BLTP1: variants seen among roughly 807,000 people sequenced by gnomAD.
The protein encoded by BLTP1 is fragile site-associated protein.
the BLTP1 span, chr4:122,194,854 G>A: frequency 6.4e-5 from 12 of 187,208 alleles, no homozygotes; most frequent in Non-Finnish European, 1.1e-4. Context: ...ACTGCCAGGA[G>A]AGAAGAGCAA....
chr4:122,185,368 G>A, the BLTP1 span: 2 of 985,112 alleles, frequency 2.0e-6, no homozygotes, highest in Non-Finnish European at 2.4e-6. Flanking sequence ...ACAAAAGAAA[G>A]CATTGATTGT....
the BLTP1 span, chr4:122,271,788 A>T: frequency 4.0e-4 from 422 of 1,061,216 alleles, 2 homozygotes; most frequent in Non-Finnish European, 3.9e-4. Flanking sequence ...AAAGAAGCAG[A>T]AGACTGTTCA....
chr4:122,301,856 G>GT, the BLTP1 span, among the ~76,000 whole-genome samples: 1 of 152,152 alleles, frequency 6.6e-6, no homozygotes, highest in Non-Finnish European at 1.5e-5. Context: ...GAGCCCAGGA[G>GT]TTTGAGACTA....
chr4:122,261,566 CTTTTTGGCAT>C, the BLTP1 span: 2 of 983,988 alleles, frequency 2.0e-6, no homozygotes, highest in Non-Finnish European at 2.4e-6. Context: ...TGTGGAAAGT[CTTTTTGGCAT>C]TTCAGAGCTC....
At chr4:122,187,829 A>C in the BLTP1 span, 1 of 1,484,000 alleles carries the variant, frequency 6.7e-7, no homozygotes, top group South Asian at 1.3e-5. Flanking sequence ...AGTTTAGCTA[A>C]AGAAAGAAAT....
chr4:122,248,060 G>A, the BLTP1 span: 6 of 985,186 alleles, frequency 6.1e-6, no homozygotes, highest in Non-Finnish European at 7.2e-6. Flanking sequence ...TATAGGTTCT[G>A]AAGTTTCCAT....
chr4:122,351,829 T>A, the BLTP1 span, among the ~76,000 whole-genome samples: 1 of 152,166 alleles, frequency 6.6e-6, no homozygotes, highest in African/African-American at 2.4e-5. Flanking sequence ...ACATAAAGGC[T>A]TAGGGAATTG....
chr4:122,200,490 G>A, the BLTP1 span: 1 of 750,756 alleles, frequency 1.3e-6, no homozygotes, highest in Non-Finnish European at 1.6e-6. Context: ...TGAGGCACAA[G>A]AATTGCTTGA....
chr4:122,309,946 G>A, the BLTP1 span, among the ~76,000 whole-genome samples: 1 of 151,940 alleles, frequency 6.6e-6, no homozygotes, highest in Non-Finnish European at 1.5e-5. Context: ...AATATTCAAG[G>A]TTGGGTATAA....
the BLTP1 span, chr4:122,347,487 T>C: frequency 2.5e-6 from 4 of 1,586,454 alleles, no homozygotes; most frequent in South Asian, 1.1e-5. Context: ...CCTGTTACTT[T>C]GGATTTTTTG....
At chr4:122,240,853 A>C in the BLTP1 span, among the ~76,000 whole-genome samples, 1 of 152,210 alleles carries the variant, frequency 6.6e-6, no homozygotes. Flanking sequence ...AATACCTCAA[A>C]ATAAATTTAG....
the BLTP1 span, among the ~76,000 whole-genome samples, chr4:122,293,425 A>G: frequency 6.6e-6 from 1 of 152,168 alleles, no homozygotes; most frequent in South Asian, 2.1e-4. Context: ...GCAAAAAGCC[A>G]GGGAGCCCCC....
the BLTP1 span, among the ~76,000 whole-genome samples, chr4:122,160,003 A>G: frequency 2.2e-4 from 34 of 152,322 alleles, no homozygotes; most frequent in African/African-American, 7.5e-4. Context: ...TACCTAATCT[A>G]TTTTACCTAA....
the BLTP1 span, among the ~76,000 whole-genome samples, chr4:122,242,105 C>G: frequency 4.6e-4 from 70 of 152,164 alleles, no homozygotes; most frequent in South Asian, 3.9e-3. Context: ...TCCATATGAT[C>G]CAGCAATCCC....
chr4:122,169,977 T>C, the BLTP1 span: 3 of 985,320 alleles, frequency 3.0e-6, no homozygotes, highest in Middle Eastern at 5.2e-4. Flanking sequence ...TTAATGTAGA[T>C]GGCTAGTATT....
At chr4:122,153,765 C>T in the BLTP1 span, among the ~76,000 whole-genome samples, 1 of 152,114 alleles carries the variant, frequency 6.6e-6, no homozygotes, top group African/African-American at 2.4e-5. Context: ...TCTCTAGGAC[C>T]TTTGATTACC....
chr4:122,304,750 T>C, the BLTP1 span: 1 of 1,600,068 alleles, frequency 6.2e-7, no homozygotes, highest in East Asian at 2.2e-5. Flanking sequence ...TAGGTATATG[T>C]TGTTGATTTA....
chr4:122,247,331 G>T, the BLTP1 span: 1 of 1,613,150 alleles, frequency 6.2e-7, no homozygotes. Context: ...CGAGTTCATG[G>T]GCAACTTAGG....
chr4:122,255,065 A>G, the BLTP1 span: 1 of 1,520,200 alleles, frequency 6.6e-7, no homozygotes, highest in Non-Finnish European at 8.9e-7. Flanking sequence ...TAATTACTGA[A>G]TGTCTTTTAT....
Sources: gnomAD v4.1 joint callset for allele counts (sites outside exome capture counted in the v4.1 genomes callset) on GRCh38, gnomAD v4.1.1 for gene constraint, MANE v1.5 for transcripts, NCBI Gene and HGNC (gene_info 2026-07-23, HGNC 2026-07-21) for gene names.